ZNF235: variants seen among roughly 807,000 people sequenced by gnomAD.
ZNF235 encodes zfp-93.
Under a neutral mutation model 29.4 loss-of-function variants are expected in ZNF235, and 25 were observed. The ratio of observed to expected loss-of-function variants is 0.85; its 90% CI spans 0.62 to 1.19. The LOEUF is 1.19. ZNF235 is among the 50% of genes most tolerant of loss of function. ZNF235 has a pLI of 0.00. For missense variants in ZNF235, 788 were observed against 885.0 expected (o/e 0.89, Z 1.39); for synonymous variants, 300 against 295.3 (o/e 1.02, Z -0.16).
At chr19:44,304,724 G>A in intron 1 of ZNF235, 1 of 985,490 alleles carries the variant, frequency 1.0e-6, no homozygotes, top group Non-Finnish European at 1.2e-6. Flanking sequence ...GCGAGGAGCA[G>A]GCAGGACTGG....
At chr19:44,289,677 A>T (rs1190912218) in intron 4 of ZNF235, 1 of 152,664 alleles carries the variant, frequency 6.6e-6, no homozygotes, top group East Asian at 1.9e-4. Context: ...GAAACCAGCC[A>T]ACTGCAGAAC....
chr19:44,299,558 A>C (rs368797001), intron 3 of ZNF235, 48 bp downstream of exon 3: 293 of 1,607,802 alleles, frequency 1.8e-4, no homozygotes, highest in Middle Eastern at 1.2e-3. Flanking sequence ...CATCAATGGC[A>C]TGGAGGTTGA....
chr19:44,288,365 T>C lies in ZNF235; in HGVS notation c.1070A>G (p.Asn357Ser). 1 of 1,613,268 alleles carries C rather than the reference T, an allele frequency of 6.2e-7. No individual in the cohort carries two copies. The highest frequency in any genetic ancestry group is 2.2e-5 in the East Asian group (1 of 44,742). The change falls in exon 5 of 5, where the codon AAT (asparagine) becomes AGT (serine). Residue 357 changes from asparagine to serine, a missense_variant. Physicochemically the swap from Asn to Ser is conservative, Grantham distance 46. Coordinates refer to ENST00000291182, the MANE Select transcript of ZNF235 (RefSeq NM_004234.4). Reference sequence around the variant, plus strand: ...ATGAGCATAAAGATGTGAGCTCTGATTAAAGCTCTTACCACACTCGTGGCA... The same window carrying C: ...ATGAGCATAAAGATGTGAGCTCTGACTAAAGCTCTTACCACACTCGTGGCA... ...YTCHECGKSFNQSSHLYAHLP... is the reference protein window; with the variant it reads ...YTCHECGKSFSQSSHLYAHLP...
At chr19:44,302,959 TA>T (rs2123108930) in intron 2 of ZNF235, among the ~76,000 whole-genome samples, 2 of 134,184 alleles carry the variant, frequency 1.5e-5, no homozygotes, top group East Asian at 4.0e-4. Context: ...TATATATAAA[TA>T]TATACGTATA....
Position 44,287,688 on chromosome 19 carries a change from C to T in ZNF235, c.1747G>A (p.Ala583Thr), listed in dbSNP as rs865886925. Residue 583 changes from alanine to threonine, a missense_variant, in exon 5 of 5, where the codon GCT (alanine) becomes ACT (threonine). By Grantham distance (58) the Ala-to-Thr change is moderately conservative. Transcript: ENST00000291182. ...CTCTGATGGGCTTGAAGATTTGAAG[C>T]CTGACTGAAACCCTTACCACACTCT... The part of the protein sequence containing the change: ...CEECGKGFSQ[A>T]SNLQAHQSVH... The T allele has an allele frequency of 6.2e-7, 1 of 1,611,762 alleles. No individual in the cohort carries two copies. The highest frequency in any genetic ancestry group is 1.7e-5 in the Admixed American group (1 of 59,826).
chr19:44,302,408 G>A (rs935127680), intron 2 of ZNF235, among the ~76,000 whole-genome samples: 1 of 152,136 alleles, frequency 6.6e-6, no homozygotes, highest in African/African-American at 2.4e-5. Flanking sequence ...ATTCGAAATT[G>A]TACCTAAAGT....
chr19:44,295,994 T>C (rs1171872987), intron 4 of ZNF235, among the ~76,000 whole-genome samples: 2 of 152,206 alleles, frequency 1.3e-5, no homozygotes, highest in African/African-American at 4.8e-5. Context: ...TAGAAATCAC[T>C]GGTGATTTCA....
chr19:44,299,867 C>T (rs1975710382), intron 2 of ZNF235, 135 bp from the exon 3 acceptor site: 3 of 1,353,580 alleles, frequency 2.2e-6, no homozygotes, highest in Non-Finnish European at 3.1e-6. Flanking sequence ...AGGAAAACAC[C>T]TTGTACATGT....
At chr19:44,291,981 A>C (rs1975590537) in intron 4 of ZNF235, among the ~76,000 whole-genome samples, 1 of 152,168 alleles carries the variant, frequency 6.6e-6, no homozygotes, top group Non-Finnish European at 1.5e-5. Context: ...TTCCTAATGA[A>C]CATATTTATA....
intron 4 of ZNF235, among the ~76,000 whole-genome samples, chr19:44,298,603 C>T (rs576693613): frequency 6.6e-6 from 1 of 152,034 alleles, no homozygotes; most frequent in South Asian, 2.1e-4. Flanking sequence ...TGTTAAAGAC[C>T]CCAGGCTGGT....
intron 4 of ZNF235, chr19:44,289,735 T>C (rs1465049186): frequency 6.6e-6 from 1 of 152,286 alleles, no homozygotes; most frequent in East Asian, 1.9e-4. Flanking sequence ...AATTGACTTC[T>C]TTGCCTATAA....
chr19:44,286,629 A>G lies in ZNF235; in HGVS notation c.*589T>C, dbSNP rs964268025. ...TGGATGGCAGTATTATATACTTTTC[A>G]GTACTTACTGAAACTAACGTTATTA... On this transcript the variant is annotated 3_prime_UTR_variant, in exon 5 of 5. Coordinates refer to ENST00000291182, the MANE Select transcript of ZNF235 (RefSeq NM_004234.4). The G allele has an allele frequency of 3.3e-5, 5 of 152,404 alleles. No individual in the cohort carries two copies. The highest frequency in any genetic ancestry group is 1.2e-4 in the African/African-American group (5 of 41,450). 9.4% of individuals were successfully genotyped at this position (152,404 alleles called of 1,614,324 possible).
At chr19:44,304,658 C>A (rs866741093) in intron 1 of ZNF235, 1 of 933,488 alleles carries the variant, frequency 1.1e-6, no homozygotes, top group Admixed American at 6.2e-5. Flanking sequence ...TAACCCTTTA[C>A]AGGCACGAGG....
At chr19:44,303,611 G>A (rs972292645) in intron 1 of ZNF235, among the ~76,000 whole-genome samples, 159 bp from the exon 2 acceptor site, 1 of 152,106 alleles carries the variant, frequency 6.6e-6, no homozygotes, top group Non-Finnish European at 1.5e-5. Flanking sequence ...GCTACCCCTC[G>A]GCCCCCTCAA....
intron 2 of ZNF235, among the ~76,000 whole-genome samples, chr19:44,301,129 T>G (rs908418897): frequency 6.6e-6 from 1 of 152,198 alleles, no homozygotes; most frequent in Non-Finnish European, 1.5e-5. Context: ...GGATTTTTCA[T>G]GTATCAGTAA....
In ZNF235 at chr19:44,299,677, A is replaced by G; in HGVS notation, c.71T>C (p.Leu24Pro). The change falls in exon 3 of 5, where the codon CTG becomes CCG. Residue 24 changes from leucine (L) to proline (P), a missense_variant. Transcript: ENST00000291182. The stretch of plus-strand genomic sequence containing the variant: ...CAGCTTCCTCTGGGCAGAGTCCAGC[A>G]GCCCCAGCTCCTCCTCAGTGAAGGC... ...AVAFTEEELG[L>P]LDSAQRKLYR... 1 of 1,614,174 alleles carries G rather than the reference A, an allele frequency of 6.2e-7. No homozygotes were observed. Among genetic ancestry groups the G allele is most frequent in the Non-Finnish European group, 8.5e-7 (1 of 1,180,024 alleles).
chr19:44,299,526 C>T, intron 3 of ZNF235, 80 bp downstream of exon 3: 2 of 1,567,192 alleles, frequency 1.3e-6, no homozygotes, highest in Non-Finnish European at 1.7e-6. Flanking sequence ...CCTGATACAA[C>T]ACAGAATTAT....
intron 4 of ZNF235, among the ~76,000 whole-genome samples, chr19:44,291,478 T>C (rs1475331933): frequency 1.3e-5 from 2 of 151,846 alleles, no homozygotes; most frequent in Non-Finnish European, 2.9e-5. Flanking sequence ...AGAAAACAAA[T>C]AGCTAGTTCT....
At chr19:44,293,090 A>C (rs1453532532) in intron 4 of ZNF235, among the ~76,000 whole-genome samples, 1 of 152,158 alleles carries the variant, frequency 6.6e-6, no homozygotes, top group Non-Finnish European at 1.5e-5. Flanking sequence ...CCATGAAAAC[A>C]AAAGGTTGAT....
Sources: allele counts gnomAD v4.1 joint callset (sites outside exome capture counted in the v4.1 genomes callset), GRCh38; gene constraint gnomAD v4.1.1; transcripts MANE v1.5; gene names NCBI Gene and HGNC (gene_info 2026-07-23, HGNC 2026-07-21).